AFG1L: variants seen among roughly 807,000 people sequenced by gnomAD.
AFG1L encodes the protein AFG1-like ATPase.
A neutral mutation model predicts 62.2 loss-of-function variants in AFG1L; 53 were observed. That is an observed-to-expected ratio of 0.85 (90% CI 0.68 to 1.07). The LOEUF is 1.07. Among genes scored for constraint, AFG1L ranks in the 50% least tolerant of loss-of-function variants. The pLI is 0.00. For missense variants in AFG1L, 555 were observed against 590.5 expected, an observed-to-expected ratio of 0.94 and a Z score of 0.62; for synonymous variants, 228 against 210.3, an observed-to-expected ratio of 1.08 and a Z score of -0.73.
At chr6:108,478,892 G>C (rs1773229111) in intron 10 of AFG1L, among the ~76,000 whole-genome samples, 1 of 152,136 alleles carries the variant, frequency 6.6e-6, no homozygotes, top group Non-Finnish European at 1.5e-5. Flanking sequence ...TTTATTTACT[G>C]TCCGGGGGTG....
chr6:108,414,891 A>G (rs1243125149), intron 7 of AFG1L, among the ~76,000 whole-genome samples: 4 of 152,218 alleles, frequency 2.6e-5, no homozygotes, highest in Admixed American at 1.3e-4. Flanking sequence ...CACCACTTCT[A>G]TTCAACATAG....
chr6:108,372,609 T>C (rs900757527), intron 6 of AFG1L, among the ~76,000 whole-genome samples: 2 of 152,190 alleles, frequency 1.3e-5, no homozygotes, highest in Non-Finnish European at 2.9e-5. Context: ...ATTACAGGTG[T>C]GACCCACTGT....
rs1774597550 is a variant in AFG1L at position 108,510,357 on chromosome 6, G to A, written c.1203+5G>A. On this transcript the variant is annotated splice_donor_5th_base_variant and intron_variant, in intron 11 of 12. Transcript: ENST00000368977. The stretch of plus-strand genomic sequence containing the variant: ...GATAACTTTTATGATCTCAAGGTAA[G>A]GATGTAGTACATTTTCTTAAAACTA... The A allele has an allele frequency of 6.2e-7, 1 of 1,600,720 alleles. No individual in the cohort carries two copies. Among genetic ancestry groups the A allele is most frequent in the South Asian group, 1.1e-5 (1 of 88,276 alleles).
At chr6:108,436,824 C>T (rs1771332797) in intron 7 of AFG1L, among the ~76,000 whole-genome samples, 1 of 152,186 alleles carries the variant, frequency 6.6e-6, no homozygotes, top group Admixed American at 6.5e-5. Context: ...ATTTCTACCT[C>T]ATAGAGTGGT....
At chr6:108,329,487 C>T (rs1004423031) in intron 2 of AFG1L, among the ~76,000 whole-genome samples, 13 of 150,920 alleles carry the variant, frequency 8.6e-5, no homozygotes, top group South Asian at 2.1e-4. Flanking sequence ...TTAGTAGAGA[C>T]GGGGTTTCAC....
chr6:108,509,916 A>C (rs549786077), intron 10 of AFG1L, among the ~76,000 whole-genome samples: 74 of 152,340 alleles, frequency 4.9e-4, no homozygotes, highest in African/African-American at 1.6e-3. Flanking sequence ...GTAAACCGGA[A>C]AGTATATGTA....
In AFG1L at chr6:108,428,438, A is replaced by G. The variant is rs558061234; in HGVS notation, c.808-18776A>G. 3.3e-5 allele frequency among the ~76,000 whole-genome samples: 5 copies of G among 152,240 alleles called. No individual in the cohort carries two copies. In the South Asian group the frequency reaches 1.0e-3, roughly 32 times the overall value. On this transcript the variant is annotated intron_variant, in intron 7 of 12. Coordinates refer to ENST00000368977, the MANE Select transcript of AFG1L (RefSeq NM_145315.5). ...ATGCATGGAGGTGTCTTTTTGATGT[A>G]ATGGTTTCTTTTCCTTTGGCTAGAT...
chr6:108,455,377 C>T (rs929806498), intron 8 of AFG1L, among the ~76,000 whole-genome samples: 3 of 151,998 alleles, frequency 2.0e-5, no homozygotes, highest in Non-Finnish European at 2.9e-5. Context: ...AAAAAGATAG[C>T]CTTCTCTGTT....
intron 8 of AFG1L, among the ~76,000 whole-genome samples, chr6:108,460,066 A>G (rs1772393443): frequency 7.3e-6 from 1 of 136,650 alleles, no homozygotes; most frequent in Non-Finnish European, 1.5e-5. Flanking sequence ...AAACAAAGAC[A>G]AAACAAAAAA....
intron 7 of AFG1L, among the ~76,000 whole-genome samples, chr6:108,429,491 C>T (rs969678957): frequency 2.0e-5 from 3 of 152,104 alleles, no homozygotes; most frequent in Admixed American, 6.5e-5. Context: ...CCTTTCCACA[C>T]GTGGGAATTA....
intron 6 of AFG1L, among the ~76,000 whole-genome samples, chr6:108,389,971 G>A (rs1227635886): frequency 3.9e-5 from 6 of 152,196 alleles, no homozygotes; most frequent in Admixed American, 6.5e-5. Flanking sequence ...CCTGAAGAGT[G>A]TTTTCCAACT....
At chr6:108,344,550 C>T (rs569963998) in intron 2 of AFG1L, among the ~76,000 whole-genome samples, 14 of 152,134 alleles carry the variant, frequency 9.2e-5, no homozygotes, top group Non-Finnish European at 1.9e-4. Flanking sequence ...CATGCCACTG[C>T]ACTCCAGCCT....
chr6:108,363,384 A>C (rs1427469399), intron 5 of AFG1L, among the ~76,000 whole-genome samples: 1 of 151,496 alleles, frequency 6.6e-6, no homozygotes, highest in African/African-American at 2.4e-5. Context: ...CACCCTCTAC[A>C]CTCAAGTAGG....
At chr6:108,310,774 C>T (rs543261878) in intron 1 of AFG1L, among the ~76,000 whole-genome samples, 2 of 152,096 alleles carry the variant, frequency 1.3e-5, no homozygotes, top group East Asian at 3.9e-4. Context: ...GGGGTTTCGC[C>T]ATGTTGGCCA....
At chr6:108,467,769 CTAT>C (rs1255120959) in intron 8 of AFG1L, among the ~76,000 whole-genome samples, 1 of 152,038 alleles carries the variant, frequency 6.6e-6, no homozygotes, top group Non-Finnish European at 1.5e-5. Context: ...AAATGATTCA[CTAT>C]TATTATGGGC....
chr6:108,519,757 G>T lies in AFG1L; in HGVS notation c.1264G>T (p.Asp422Tyr). The T allele has an allele frequency of 6.2e-7, 1 of 1,613,556 alleles. No individual in the cohort carries two copies. Among genetic ancestry groups the T allele is most frequent in the South Asian group, 1.1e-5 (1 of 90,934 alleles). Residue 422 changes from aspartate to tyrosine, a missense_variant, in exon 12 of 13, where the codon GAC becomes TAC. By Grantham distance (160) the Asp-to-Tyr change is radical. Coordinates refer to ENST00000368977, the MANE Select transcript of AFG1L (RefSeq NM_145315.5). The stretch of plus-strand genomic sequence containing the variant: ...AAGCTTATTTTTGCATCAACATCAT[G>T]ACAGTGAGTTGGAGCAAAGCAGAAT... Reference protein sequence around the residue: ...ISSLFLHQHHDSELEQSRILM... With the variant: ...ISSLFLHQHHYSELEQSRILM...
At chr6:108,433,096 G>A (rs1036621466) in intron 7 of AFG1L, among the ~76,000 whole-genome samples, 6 of 152,136 alleles carry the variant, frequency 3.9e-5, no homozygotes, top group African/African-American at 1.4e-4. Context: ...GGATGAAATT[G>A]TTACTTTGAA....
intron 6 of AFG1L, among the ~76,000 whole-genome samples, chr6:108,384,012 T>C (rs1337778773): frequency 7.6e-6 from 1 of 132,146 alleles, no homozygotes; most frequent in Non-Finnish European, 1.6e-5. Flanking sequence ...GTAATAATGA[T>C]AAATTCTGAG....
intron 10 of AFG1L, among the ~76,000 whole-genome samples, chr6:108,487,142 G>A (rs998338437): frequency 2.0e-5 from 3 of 152,208 alleles, no homozygotes; most frequent in East Asian, 1.9e-4. Flanking sequence ...ATTATACAGC[G>A]AAGCAGAGTA....
Sources: gnomAD v4.1 joint callset for allele counts (sites outside exome capture counted in the v4.1 genomes callset) on GRCh38, gnomAD v4.1.1 for gene constraint, MANE v1.5 for transcripts, NCBI Gene and HGNC (gene_info 2026-07-23, HGNC 2026-07-21) for gene names.